The following RABGAP1L variants were observed in gnomAD, a reference collection of about 807,000 sequenced individuals.
The protein encoded by RABGAP1L is rab GTPase-activating protein 1-like.
Under a neutral mutation model 137.7 loss-of-function variants are expected in RABGAP1L, and 63 were observed. That is an observed-to-expected ratio of 0.46 (90% CI 0.37 to 0.56). RABGAP1L has a LOEUF of 0.56. Ranked by LOEUF, RABGAP1L falls within the 20% of genes least tolerant of loss-of-function variation. The pLI is 0.00. For synonymous variants in RABGAP1L, 431 were observed against 433.7 expected (o/e 0.99, Z 0.08); for missense variants, 1,095 against 1,244.0 (o/e 0.88, Z 1.80).
intron 10 of RABGAP1L, among the ~76,000 whole-genome samples, chr1:174,303,657 G>C (rs373011133): frequency 6.6e-6 from 1 of 152,030 alleles, no homozygotes; most frequent in Non-Finnish European, 1.5e-5. Context: ...GGAACAAGTA[G>C]TGTATTTTAA....
chr1:174,657,315 T>C (rs1442092123), intron 14 of RABGAP1L, among the ~76,000 whole-genome samples: 3 of 152,186 alleles, frequency 2.0e-5, no homozygotes, highest in Non-Finnish European at 4.4e-5. Flanking sequence ...ATAGTCATCC[T>C]ACAGTGCTAT....
At chr1:174,239,821 A>G (rs1253099387) in intron 4 of RABGAP1L, among the ~76,000 whole-genome samples, 1 of 152,220 alleles carries the variant, frequency 6.6e-6, no homozygotes, top group African/African-American at 2.4e-5. Context: ...ATATTCTCTG[A>G]AAGTTGCTTT....
intron 13 of RABGAP1L, among the ~76,000 whole-genome samples, chr1:174,562,131 T>G (rs1182300516): frequency 6.6e-6 from 1 of 152,088 alleles, no homozygotes; most frequent in Non-Finnish European, 1.5e-5. Context: ...ATATCCAGAA[T>G]CTACAAAGAA....
intron 7 of RABGAP1L, among the ~76,000 whole-genome samples, chr1:174,267,317 C>T (rs146079921): frequency 9.9e-5 from 15 of 152,188 alleles, no homozygotes; most frequent in African/African-American, 3.1e-4. Flanking sequence ...TTTTACTTCG[C>T]TATAGAAGTA....
At chr1:174,612,527 T>C (rs1159119651) in intron 13 of RABGAP1L, among the ~76,000 whole-genome samples, 1 of 152,188 alleles carries the variant, frequency 6.6e-6, no homozygotes, top group Non-Finnish European at 1.5e-5. Context: ...CTTTTTTGGT[T>C]GTGTCTCTGC....
At chr1:174,540,673 A>T (rs1323031332) in intron 13 of RABGAP1L, among the ~76,000 whole-genome samples, 1 of 150,484 alleles carries the variant, frequency 6.6e-6, no homozygotes, top group Non-Finnish European at 1.5e-5. Context: ...TGGTACCAGT[A>T]CCATGCTGTT....
chr1:174,182,760 A>C (rs1666479737), intron 1 of RABGAP1L, among the ~76,000 whole-genome samples: 1 of 152,208 alleles, frequency 6.6e-6, no homozygotes, highest in African/African-American at 2.4e-5. Context: ...CCCCGTAAAC[A>C]GCTCTACAAC....
In RABGAP1L at chr1:174,804,583, G is replaced by T. The variant is rs140453397; in HGVS notation, c.2212-7249G>T. The stretch of plus-strand genomic sequence containing the variant: ...CCAGCTTGGCCTTCCAAAGTGTTGG[G>T]ATTACAGGTGTGAACCACCGTGCCC... On this transcript the variant is annotated intron_variant, in intron 18 of 25. Transcript: ENST00000681986. Among the ~76,000 whole-genome samples, 378 of 152,220 alleles carry T rather than the reference G, an allele frequency of 2.5e-3. 3 individuals carry two copies. Among genetic ancestry groups the T allele is most frequent in the African/African-American group, 8.6e-3 (357 of 41,524 alleles).
chr1:174,349,039 C>A (rs1427515816), intron 11 of RABGAP1L, among the ~76,000 whole-genome samples: 16 of 124,422 alleles, frequency 1.3e-4, no homozygotes, highest in African/African-American at 3.4e-4. Context: ...GGGCGGCTGG[C>A]CGGGCGGGGG....
rs1218602578 is a variant in RABGAP1L, at chr1:174,176,786, A to C, written c.-34+17129A>C. On this transcript the variant is annotated intron_variant, in intron 1 of 25. Transcript: ENST00000681986. ...AATACTGCCATCAGTGTCATCAGAA[A>C]AGTCTTCTAAGGGCTGGGCATGGTG... Among the ~76,000 whole-genome samples, 3 of 149,632 alleles carry C rather than the reference A, an allele frequency of 2.0e-5. No homozygotes were observed. The East Asian group carries it at 5.9e-4, about 29-fold the overall frequency.
chr1:174,798,676 T>C (rs1222448268), intron 18 of RABGAP1L, among the ~76,000 whole-genome samples: 1 of 152,200 alleles, frequency 6.6e-6, no homozygotes, highest in Non-Finnish European at 1.5e-5. Context: ...TTTGGTTATT[T>C]GTAGATATGT....
In RABGAP1L at chr1:174,683,463, C is replaced by A. The variant is rs778650022; in HGVS notation, c.1825-59C>A. On this transcript the variant is annotated intron_variant, in intron 14 of 25. Transcript: ENST00000681986. ...CAAGCAGGAGCCTGGTATGAGCTAA[C>A]ATTTAAGTTAAAATCTGTGACTATT... The A allele has an allele frequency of 3.3e-5, 46 of 1,389,754 alleles. No individual in the cohort carries two copies. The Middle Eastern group carries it at 5.4e-3, about 164-fold the overall frequency. The allele number at this position is 1,389,754 out of a possible 1,614,324, so 86.1% of individuals were successfully genotyped here. A position where few individuals can be genotyped will look rare whatever the true frequency, so the allele number is the denominator to read the frequency against.
At position 174,191,274 on chromosome 1, in the gene RABGAP1L, G is replaced by C. The variant is rs576332987; in HGVS notation, c.-33-27851G>C. On this transcript the variant is annotated intron_variant, in intron 1 of 25. Coordinates refer to ENST00000681986, the MANE Select transcript of RABGAP1L (RefSeq NM_001366446.1). Reference sequence around the variant, plus strand: ...AAAATATAGAAATATTTGAATTACTGCCAGAAAAAGGAAAAACAAAAATCA... The same window carrying C: ...AAAATATAGAAATATTTGAATTACTCCCAGAAAAAGGAAAAACAAAAATCA... Among the ~76,000 whole-genome samples, 69 of 152,218 alleles carry C rather than the reference G, an allele frequency of 4.5e-4. 1 individual carries two copies. The highest frequency in any genetic ancestry group is 1.6e-3 in the African/African-American group (66 of 41,520).
At chr1:174,957,789 C>T in intron 20 of RABGAP1L, 3 of 923,538 alleles carry the variant, frequency 3.2e-6, no homozygotes, top group Admixed American at 2.2e-5. Context: ...CTCTGTTCTT[C>T]CTTGATTGAT....
intron 21 of RABGAP1L, 42 bp from the exon 22 acceptor site, chr1:174,976,036 G>A: frequency 4.3e-6 from 4 of 935,444 alleles, no homozygotes; most frequent in Non-Finnish European, 6.2e-6. Flanking sequence ...TTTACCCTCT[G>A]TATGACTGTG....
chr1:174,460,311 A>G (rs10798315), intron 13 of RABGAP1L, among the ~76,000 whole-genome samples: 53,552 of 151,782 alleles, frequency 0.35, 12,096 homozygotes, highest in African/African-American at 0.64. Context: ...GAAATTTAGG[A>G]AATGTTTAAA....
intron 13 of RABGAP1L, among the ~76,000 whole-genome samples, chr1:174,475,145 A>G (rs1300377005): frequency 1.3e-5 from 2 of 152,074 alleles, no homozygotes; most frequent in Non-Finnish European, 2.9e-5. Context: ...AGTAAAGATC[A>G]CCTTGGGAGC....
chr1:174,183,293 G>A (rs1003688012), intron 1 of RABGAP1L, among the ~76,000 whole-genome samples: 11 of 152,190 alleles, frequency 7.2e-5, no homozygotes, highest in Admixed American at 5.2e-4. Flanking sequence ...AGGCCCTGCC[G>A]TGGTGAAGAT....
In RABGAP1L at chr1:174,990,066, C is replaced by T; in HGVS notation, c.*65C>T. 5 of 1,436,390 alleles carry T rather than the reference C, an allele frequency of 3.5e-6. No homozygotes were observed. Among genetic ancestry groups the T allele is most frequent in the Non-Finnish European group, 4.7e-6 (5 of 1,060,744 alleles). 89.0% of individuals were successfully genotyped at this position (1,436,390 alleles called of 1,614,324 possible). A position where few individuals can be genotyped will look rare whatever the true frequency, so the allele number is the denominator to read the frequency against. On this transcript the variant is annotated 3_prime_UTR_variant, in exon 26 of 26. Transcript: ENST00000681986. ...CAATGGAAATCTGGGAGGATTCTTC[C>T]TGGTGTCCCTTTGAAGGAAAGTCAA...
Sources: gnomAD v4.1 joint callset for allele counts (sites outside exome capture counted in the v4.1 genomes callset) on GRCh38, gnomAD v4.1.1 for gene constraint, MANE v1.5 for transcripts, NCBI Gene and HGNC (gene_info 2026-07-23, HGNC 2026-07-21) for gene names.